Variants in SERTM1 observed in about 807,000 individuals in gnomAD.
SERTM1 encodes serine rich and transmembrane domain containing 1, also known as serine-rich and transmembrane domain-containing protein 1.
SERTM1 carries 1 observed loss-of-function variant against 5.5 expected under a neutral mutation model. That is an observed-to-expected ratio of 0.18 (90% CI 0.06 to 0.86). SERTM1 has a LOEUF of 0.86. Ranked by LOEUF, SERTM1 falls within the 40% of genes least tolerant of loss-of-function variation. The pLI, the probability that SERTM1 is intolerant of heterozygous loss-of-function variation, is 0.69. For missense variants in SERTM1, 91 were observed against 122.4 expected (o/e 0.74, Z 1.21); for synonymous variants, 52 against 55.1 (o/e 0.94, Z 0.25).
At chr13:36,693,394 C>CTTT (rs569147311) in intron 1 of SERTM1, among the ~76,000 whole-genome samples, 1 of 144,868 alleles carries the variant, frequency 6.9e-6, no homozygotes, top group African/African-American at 2.5e-5. Context: ...TCTTCTTCTT[C>CTTT]TTTTTTTTTT....
At chr13:36,686,587 T>A (rs972979579) in intron 1 of SERTM1, among the ~76,000 whole-genome samples, 6 of 152,182 alleles carry the variant, frequency 3.9e-5, no homozygotes, top group Non-Finnish European at 7.3e-5. Flanking sequence ...TTTTTCTATT[T>A]TGGCTGAACC....
intron 1 of SERTM1, among the ~76,000 whole-genome samples, chr13:36,690,500 T>C (rs1228545166): frequency 6.6e-6 from 1 of 152,208 alleles, no homozygotes; most frequent in Non-Finnish European, 1.5e-5. Flanking sequence ...GGGAAGTGTG[T>C]ATTGTCAGCA....
rs2056816092 is a variant in SERTM1 at position 36,696,644 on chromosome 13, C to A, written c.*1242C>A. 1 of 166,814 alleles carries A rather than the reference C, an allele frequency of 6.0e-6. No individual in the cohort carries two copies. The highest frequency in any genetic ancestry group is 6.5e-5 in the Admixed American group (1 of 15,276). 10.3% of individuals were successfully genotyped at this position (166,814 alleles called of 1,614,324 possible). A position where few individuals can be genotyped will look rare whatever the true frequency, so the allele number is the denominator to read the frequency against. ...CAGGGGCTGTCTGTGAAATTAGGCA[C>A]ACATGTGAGCTCAGACATGGAATGT... On this transcript the variant is annotated 3_prime_UTR_variant, in exon 2 of 2. Transcript: ENST00000315190.
At chr13:36,692,077 A>G (rs560964230) in intron 1 of SERTM1, among the ~76,000 whole-genome samples, 1 of 152,210 alleles carries the variant, frequency 6.6e-6, no homozygotes, top group African/African-American at 2.4e-5. Context: ...AGTACCCCGG[A>G]AATGGTATTA....
intron 1 of SERTM1, among the ~76,000 whole-genome samples, chr13:36,682,052 C>A (rs771838003): frequency 6.6e-6 from 1 of 152,298 alleles, no homozygotes; most frequent in Middle Eastern, 3.4e-3. Context: ...ATTTAGAGAG[C>A]ATTCATCATC....
chr13:36,693,482 G>T (rs2056792994), intron 1 of SERTM1, among the ~76,000 whole-genome samples: 1 of 151,772 alleles, frequency 6.6e-6, no homozygotes, highest in Non-Finnish European at 1.5e-5. Context: ...TGAGGAGTAG[G>T]AGTCAAATTA....
At chr13:36,682,574 G>T (rs191824554) in intron 1 of SERTM1, among the ~76,000 whole-genome samples, 1 of 152,110 alleles carries the variant, frequency 6.6e-6, no homozygotes, top group Admixed American at 6.5e-5. Context: ...TTAGGGAGAG[G>T]ATATGTACAC....
chr13:36,683,626 T>C (rs2056720335), intron 1 of SERTM1, among the ~76,000 whole-genome samples: 1 of 152,130 alleles, frequency 6.6e-6, no homozygotes, highest in Non-Finnish European at 1.5e-5. Flanking sequence ...CTGATAGACA[T>C]TGGCAGGTAC....
chr13:36,689,677 G>GTT, intron 1 of SERTM1, among the ~76,000 whole-genome samples: 1 of 145,950 alleles, frequency 6.9e-6, no homozygotes. Flanking sequence ...TTCTCCTGTG[G>GTT]TTTTTTTTTT....
intron 1 of SERTM1, among the ~76,000 whole-genome samples, chr13:36,684,168 G>A (rs756512609): frequency 2.0e-5 from 3 of 152,082 alleles, no homozygotes; most frequent in Non-Finnish European, 4.4e-5. Flanking sequence ...GTGGTGGTGG[G>A]TGCCTCTACT....
chr13:36,683,921 A>G (rs2138088835), intron 1 of SERTM1, among the ~76,000 whole-genome samples: 1 of 152,378 alleles, frequency 6.6e-6, no homozygotes, highest in South Asian at 2.1e-4. Flanking sequence ...AATGGAATGA[A>G]CATACAATTT....
At chr13:36,693,702 G>A (rs9594164) in intron 1 of SERTM1, among the ~76,000 whole-genome samples, 561 of 152,282 alleles carry the variant, frequency 3.7e-3, no homozygotes, top group Middle Eastern at 0.017. Context: ...GAAGGAAAAG[G>A]CAAGTTCTCC....
intron 1 of SERTM1, among the ~76,000 whole-genome samples, chr13:36,690,778 T>C (rs546804707): frequency 4.9e-4 from 74 of 152,232 alleles, no homozygotes; most frequent in Non-Finnish European, 1.5e-4. Flanking sequence ...CAAATCTTCC[T>C]TTTGTGTACT....
intron 1 of SERTM1, among the ~76,000 whole-genome samples, chr13:36,680,319 G>A (rs1421454338): frequency 3.3e-5 from 5 of 152,076 alleles, no homozygotes; most frequent in Admixed American, 2.6e-4. Context: ...TTCAAGTGTC[G>A]CCTTATTATC....
chr13:36,682,107 T>G (rs955647472), intron 1 of SERTM1, among the ~76,000 whole-genome samples: 1 of 152,222 alleles, frequency 6.6e-6, no homozygotes, highest in Non-Finnish European at 1.5e-5. Context: ...GTAATCTTTA[T>G]GATTTTACAC....
chr13:36,695,530 T>A lies in SERTM1; in HGVS notation c.*128T>A. 1.4e-6 allele frequency: 1 copy of A among 693,710 alleles called. No homozygotes were observed. The highest frequency in any genetic ancestry group is 1.9e-5 in the South Asian group (1 of 51,484). 43.0% of individuals were successfully genotyped at this position (693,710 alleles called of 1,614,324 possible). Reference sequence around the variant, plus strand: ...GACCTGCTTCTCCTTCTCCTTTTTCTCTGATTTCTTTTCTGTTCATGATGC... The same window carrying A: ...GACCTGCTTCTCCTTCTCCTTTTTCACTGATTTCTTTTCTGTTCATGATGC... On this transcript the variant is annotated 3_prime_UTR_variant, in exon 2 of 2. Coordinates refer to ENST00000315190, the MANE Select transcript of SERTM1 (RefSeq NM_203451.3).
intron 1 of SERTM1, among the ~76,000 whole-genome samples, chr13:36,690,283 T>G (rs2056769746): frequency 6.6e-6 from 1 of 152,212 alleles, no homozygotes; most frequent in Non-Finnish European, 1.5e-5. Flanking sequence ...GGACTCATAA[T>G]GAGAGTTCAC....
At chr13:36,688,787 A>C (rs1426101848) in intron 1 of SERTM1, among the ~76,000 whole-genome samples, 8 of 152,114 alleles carry the variant, frequency 5.3e-5, no homozygotes, top group Non-Finnish European at 7.4e-5. Flanking sequence ...ATGATCTTCA[A>C]GTCATTATTT....
At chr13:36,682,958 T>C (rs887649474) in intron 1 of SERTM1, among the ~76,000 whole-genome samples, 1 of 152,200 alleles carries the variant, frequency 6.6e-6, no homozygotes, top group African/African-American at 2.4e-5. Flanking sequence ...TGCAATGGCA[T>C]GATCTCTGCT....
Sources: gnomAD v4.1 joint callset for allele counts (sites outside exome capture counted in the v4.1 genomes callset) on GRCh38, gnomAD v4.1.1 for gene constraint, MANE v1.5 for transcripts, NCBI Gene and HGNC (gene_info 2026-07-23, HGNC 2026-07-21) for gene names.